Variants in VDAC1 observed in about 807,000 individuals in gnomAD.
VDAC1 encodes the protein voltage dependent anion channel 1, also known as non-selective voltage-gated ion channel VDAC1.
VDAC1 carries 10 observed loss-of-function variants against 34.7 expected under a neutral mutation model. That is an observed-to-expected ratio of 0.29 (90% CI 0.18 to 0.49). VDAC1 has a LOEUF of 0.49. Among genes scored for constraint, VDAC1 ranks in the 20% least tolerant of loss-of-function variants. VDAC1 has a pLI of 0.99. For synonymous variants in VDAC1, 130 were observed against 136.0 expected, an observed-to-expected ratio of 0.96 and a Z score of 0.30; for missense variants, 230 against 347.9, an observed-to-expected ratio of 0.66 and a Z score of 2.69.
chr5:134,060,009 C>A, the VDAC1 span, among the ~76,000 whole-genome samples: 1 of 151,736 alleles, frequency 6.6e-6, no homozygotes, highest in African/African-American at 2.4e-5. Context: ...GCCTTCTGCA[C>A]CCTGCACGCC....
chr5:134,067,521 A>G, the VDAC1 span, among the ~76,000 whole-genome samples: 2 of 151,708 alleles, frequency 1.3e-5, no homozygotes, highest in Non-Finnish European at 2.9e-5. Context: ...TTGTCTTAAT[A>G]AAGTCCAAAT....
At chr5:134,050,526 G>A in the VDAC1 span, among the ~76,000 whole-genome samples, 1 of 152,174 alleles carries the variant, frequency 6.6e-6, no homozygotes, top group Admixed American at 6.5e-5. Context: ...AATACTGAGT[G>A]TGAAATAGGG....
intron 1 of VDAC1, among the ~76,000 whole-genome samples, chr5:133,996,557 AC>A (rs1281945271): frequency 1.1e-5 from 1 of 95,004 alleles, no homozygotes; most frequent in East Asian, 3.2e-4. Context: ...CCGTGCCCCC[AC>A]CCCACCCTAC....
the VDAC1 span, among the ~76,000 whole-genome samples, chr5:134,107,265 G>A: frequency 1.3e-5 from 2 of 152,208 alleles, no homozygotes; most frequent in African/African-American, 2.4e-5. Context: ...CAGCCCCTCC[G>A]TGGCTTCCCT....
At chr5:134,090,310 T>C in the VDAC1 span, among the ~76,000 whole-genome samples, 1 of 152,194 alleles carries the variant, frequency 6.6e-6, no homozygotes, top group African/African-American at 2.4e-5. Context: ...TTTCTCCTCT[T>C]CTGAACCACA....
intron 5 of VDAC1, among the ~76,000 whole-genome samples, chr5:133,985,192 T>C: frequency 6.6e-6 from 1 of 152,200 alleles, no homozygotes; most frequent in East Asian, 1.9e-4. Context: ...AGTCTCTTTC[T>C]TTGGCTGCTC....
chr5:134,096,067 G>A, the VDAC1 span, among the ~76,000 whole-genome samples: 3 of 152,214 alleles, frequency 2.0e-5, no homozygotes, highest in Admixed American at 6.5e-5. Context: ...GCCAGCCACC[G>A]AGTCAGACTC....
the VDAC1 span, among the ~76,000 whole-genome samples, chr5:134,044,406 G>A: frequency 6.6e-6 from 1 of 152,172 alleles, no homozygotes; most frequent in African/African-American, 2.4e-5. Flanking sequence ...CTTCCTGTCG[G>A]GGAACCTCCT....
At chr5:134,011,154 TG>T in the VDAC1 span, among the ~76,000 whole-genome samples, 2 of 152,144 alleles carry the variant, frequency 1.3e-5, no homozygotes, top group Non-Finnish European at 2.9e-5. Flanking sequence ...TCATGTCCTC[TG>T]CCCACATTTT....
At chr5:133,999,708 C>A (rs1416246951) in intron 1 of VDAC1, among the ~76,000 whole-genome samples, 1 of 152,132 alleles carries the variant, frequency 6.6e-6, no homozygotes, top group Non-Finnish European at 1.5e-5. Context: ...TGTTAACAGA[C>A]CAGACCTGAC....
chr5:134,012,163 A>G, the VDAC1 span, among the ~76,000 whole-genome samples: 12 of 152,218 alleles, frequency 7.9e-5, no homozygotes, highest in African/African-American at 2.7e-4. Context: ...CAACCTATAG[A>G]AGCTGAAAAA....
intron 1 of VDAC1, among the ~76,000 whole-genome samples, chr5:133,999,312 G>A (rs971849400): frequency 1.3e-5 from 2 of 152,200 alleles, no homozygotes; most frequent in African/African-American, 4.8e-5. Flanking sequence ...AAGGCCTTAG[G>A]CCTAAGGAAG....
the VDAC1 span, among the ~76,000 whole-genome samples, chr5:134,059,897 G>A: frequency 5.5e-5 from 8 of 146,192 alleles, no homozygotes; most frequent in African/African-American, 9.8e-5. Context: ...CAAGGAATGA[G>A]AGCCAAAGCC....
chr5:134,054,208 CTAAT>C, the VDAC1 span, among the ~76,000 whole-genome samples: 1 of 152,148 alleles, frequency 6.6e-6, no homozygotes, highest in Non-Finnish European at 1.5e-5. Context: ...CCCTGAAGTA[CTAAT>C]TAGTTTGTTT....
At position 133,975,862 on chromosome 5, in the gene VDAC1, G is replaced by C; in HGVS notation, c.702+9C>G. 6.2e-7 allele frequency: 1 copy of C among 1,611,480 alleles called. No individual in the cohort carries two copies. ...TGCCTGTGAGATGCGTGATTCCACAGATACCCACCGAGAAGCAGGCGTCAG... is the reference window on the plus strand; with the variant it reads ...TGCCTGTGAGATGCGTGATTCCACACATACCCACCGAGAAGCAGGCGTCAG... On this transcript the variant is annotated intron_variant, in intron 7 of 8. Transcript: ENST00000265333.
At chr5:134,084,493 C>T in the VDAC1 span, among the ~76,000 whole-genome samples, 2 of 152,206 alleles carry the variant, frequency 1.3e-5, no homozygotes, top group African/African-American at 4.8e-5. Context: ...AATGCTTGGC[C>T]CTCCAGGGTG....
At chr5:134,083,179 TC>T in the VDAC1 span, among the ~76,000 whole-genome samples, 2 of 149,632 alleles carry the variant, frequency 1.3e-5, no homozygotes, top group Admixed American at 6.7e-5. Flanking sequence ...CTTTTCTTTT[TC>T]TTTTTTTTTC....
rs1753515211 is a variant in VDAC1 at position 134,000,703 on chromosome 5, AAG to A, written c.-7+4190_-7+4191del. 4.1e-4 allele frequency among the ~76,000 whole-genome samples: 3 copies of A among 7,340 alleles called. 1 individual carries two copies. Among genetic ancestry groups the A allele is most frequent in the African/African-American group, 1.3e-3 (2 of 1,562 alleles). 4.8% of individuals were successfully genotyped at this position (7,340 alleles called of 152,430 possible). A position where few individuals can be genotyped will look rare whatever the true frequency, so the allele number is the denominator to read the frequency against. On this transcript the variant is annotated intron_variant, in intron 1 of 8. Coordinates refer to ENST00000265333, the MANE Select transcript of VDAC1 (RefSeq NM_003374.3). ...TTTTTCTTCAGCTCTAATATGGAGA[AAG>A]AGAGCCTGGATGGCGTCACTGTGAG...
the VDAC1 span, among the ~76,000 whole-genome samples, chr5:134,104,310 C>T: frequency 1.3e-5 from 2 of 152,230 alleles, no homozygotes; most frequent in Admixed American, 1.3e-4. Flanking sequence ...GACTTGCTCA[C>T]ACTCAGTGGG....
Sources: allele counts gnomAD v4.1 joint callset (sites outside exome capture counted in the v4.1 genomes callset), GRCh38; gene constraint gnomAD v4.1.1; transcripts MANE v1.5; gene names NCBI Gene and HGNC (gene_info 2026-07-23, HGNC 2026-07-21).